TENM4: variants seen among roughly 807,000 people sequenced by gnomAD.
TENM4 encodes the protein teneurin transmembrane protein 4.
In TENM4, 82 loss-of-function variants were observed where a neutral mutation model predicts 243.3. The observed-to-expected ratio is 0.34, with a 90% CI of 0.28 to 0.40. The LOEUF (loss-of-function observed/expected upper bound fraction) is 0.40, where lower values mean the gene tolerates loss of function less well. Ranked by LOEUF, TENM4 falls within the 10% of genes least tolerant of loss-of-function variation. The probability of loss-of-function intolerance (pLI) is 1.00; values close to 1 mark genes in which losing one functional copy is unlikely to be tolerated. For synonymous variants in TENM4, 1,412 were observed against 1,456.3 expected, an observed-to-expected ratio of 0.97 and a Z score of 0.69; for missense variants, 3,138 against 3,673.3, an observed-to-expected ratio of 0.85 and a Z score of 3.77.
At chr11:78,855,734 A>G (rs2136207152) in intron 11 of TENM4, among the ~76,000 whole-genome samples, 1 of 152,364 alleles carries the variant, frequency 6.6e-6, no homozygotes, top group South Asian at 2.1e-4. Context: ...GAGTAATAGC[A>G]GAAAGGCTGT....
chr11:78,874,353 A>G lies in TENM4; in HGVS notation c.1085-11221T>C, dbSNP rs374674416. Among the ~76,000 whole-genome samples, 10 of 152,230 alleles carry G rather than the reference A, an allele frequency of 6.6e-5. No individual in the cohort carries two copies. In the East Asian group the frequency reaches 9.6e-4, roughly 15 times the overall value. On this transcript the variant is annotated intron_variant, in intron 9 of 33. Coordinates refer to ENST00000278550, the MANE Select transcript of TENM4 (RefSeq NM_001098816.3). ...TTAGAGATTATAAAGTATATTGAAAATATAAGGCATTATTATAATATTGCT... is the reference window on the plus strand; with the variant it reads ...TTAGAGATTATAAAGTATATTGAAAGTATAAGGCATTATTATAATATTGCT...
intron 3 of TENM4, among the ~76,000 whole-genome samples, chr11:79,156,645 C>T (rs1183025175): frequency 6.6e-6 from 1 of 152,180 alleles, no homozygotes; most frequent in Non-Finnish European, 1.5e-5. Context: ...CCAGCACCCT[C>T]CTTTTCTTTC....
intron 6 of TENM4, among the ~76,000 whole-genome samples, chr11:78,933,885 G>A (rs1856724614): frequency 1.3e-5 from 2 of 152,160 alleles, no homozygotes; most frequent in South Asian, 2.1e-4. Context: ...AAGAGCTCAG[G>A]GCCTTATATT....
chr11:78,991,633 G>A (rs1591188552), intron 6 of TENM4, among the ~76,000 whole-genome samples: 1 of 152,222 alleles, frequency 6.6e-6, no homozygotes, highest in African/African-American at 2.4e-5. Flanking sequence ...TCTGTAGGAG[G>A]TTTCTAAAGC....
chr11:79,092,352 A>G (rs927608207), intron 4 of TENM4, among the ~76,000 whole-genome samples: 1 of 152,108 alleles, frequency 6.6e-6, no homozygotes, highest in Non-Finnish European at 1.5e-5. Flanking sequence ...GTGAATGATC[A>G]CTGACTCCCC....
chr11:78,771,010 T>G lies in TENM4; in HGVS notation c.2521A>C (p.Ser841Arg). 1 of 1,585,164 alleles carries G rather than the reference T, an allele frequency of 6.3e-7. No individual in the cohort carries two copies. Among genetic ancestry groups the G allele is most frequent in the South Asian group, 1.2e-5 (1 of 86,132 alleles). The stretch of plus-strand genomic sequence containing the variant: ...GCCCTACCTCCATCATTGTCTTTGC[T>G]GTCACCGCAGGCAGTCTCCATGGAA... ...DTSMETACGD[S>R]KDNDGDGLVD... The change falls in exon 18 of 34, where the codon AGC (serine) becomes CGC (arginine). Residue 841 changes from serine to arginine, a missense_variant. This residue lies in a region of TENM4 where 2,467 missense variants were observed against 3,059.1 expected (regional missense o/e 0.81). Coordinates refer to ENST00000278550, the MANE Select transcript of TENM4 (RefSeq NM_001098816.3).
intron 2 of TENM4, among the ~76,000 whole-genome samples, chr11:79,264,355 C>T (rs1855848266): frequency 6.6e-6 from 1 of 152,098 alleles, no homozygotes. Context: ...AGAAAGTAAG[C>T]TTTATTTATG....
chr11:78,959,837 T>C (rs997840489), intron 6 of TENM4, among the ~76,000 whole-genome samples: 2 of 152,204 alleles, frequency 1.3e-5, no homozygotes, highest in Non-Finnish European at 2.9e-5. Context: ...TCTTGTTCAC[T>C]AATTTGCAAA....
intron 1 of TENM4, among the ~76,000 whole-genome samples, chr11:79,428,807 G>A (rs963906544): frequency 1.3e-5 from 2 of 152,164 alleles, no homozygotes; most frequent in African/African-American, 4.8e-5. Flanking sequence ...CACTCACCTC[G>A]TACATAAATT....
rs1855432292 is a variant in TENM4, at chr11:78,722,987, G to A, written c.3551-70C>T. On this transcript the variant is annotated intron_variant, in intron 23 of 33. Transcript: ENST00000278550. ...GTATCTTTTCCTGTGGTTGACCACA[G>A]AGTCACCTGATTTTGCAAGGCATGC... 6 of 1,579,318 alleles carry A rather than the reference G, an allele frequency of 3.8e-6. No homozygotes were observed. The South Asian group carries it at 6.9e-5, about 18-fold the overall frequency.
intron 9 of TENM4, among the ~76,000 whole-genome samples, chr11:78,887,360 T>C (rs1014859593): frequency 2.0e-5 from 3 of 152,214 alleles, no homozygotes; most frequent in Admixed American, 6.5e-5. Flanking sequence ...TCCTCTTGGC[T>C]GGGGTTGGGT....
At chr11:78,659,934 A>G (rs1429535387) in intron 33 of TENM4, among the ~76,000 whole-genome samples, 1 of 152,220 alleles carries the variant, frequency 6.6e-6, no homozygotes, top group African/African-American at 2.4e-5. Flanking sequence ...AATTAATAGA[A>G]CCCTGTCTGT....
intron 19 of TENM4, among the ~76,000 whole-genome samples, chr11:78,748,105 A>ATTCTCT (rs1856093191): frequency 6.6e-6 from 1 of 152,082 alleles, no homozygotes; most frequent in Non-Finnish European, 1.5e-5. Flanking sequence ...TAAGATTCTC[A>ATTCTCT]TTTTTCTCCC....
rs1270178367 is a variant in TENM4, at chr11:78,708,439, G to C, written c.4131C>G (p.Ile1377Met). 29 of 1,613,944 alleles carry C rather than the reference G, an allele frequency of 1.8e-5. No individual in the cohort carries two copies. The highest frequency in any genetic ancestry group is 2.3e-5 in the Non-Finnish European group (27 of 1,179,912). Residue 1377 changes from isoleucine to methionine, a missense_variant, in exon 27 of 34, where the codon ATC (isoleucine) becomes ATG (methionine). Coordinates refer to ENST00000278550, the MANE Select transcript of TENM4 (RefSeq NM_001098816.3). ...TMIRRIDQNGIISTLLGSNDL... is the reference protein window; with the variant it reads ...TMIRRIDQNGMISTLLGSNDL... ...CATTAGAGCCGAGCAGGGTGGAGAT[G>C]ATCCCATTCTGATCGATGCGTCTGA...
chr11:78,881,070 A>G (rs1028384186), intron 9 of TENM4, among the ~76,000 whole-genome samples: 1 of 152,230 alleles, frequency 6.6e-6, no homozygotes, highest in African/African-American at 2.4e-5. Context: ...TTATATCTCA[A>G]TAAATCTGAT....
intron 18 of TENM4, among the ~76,000 whole-genome samples, chr11:78,763,130 A>G (rs1003756795): frequency 2.6e-4 from 39 of 152,226 alleles, no homozygotes; most frequent in Non-Finnish European, 7.3e-5. Context: ...AGAAATCAGG[A>G]AAGCAGAGGG....
intron 1 of TENM4, among the ~76,000 whole-genome samples, chr11:79,420,849 A>C (rs1176773658): frequency 6.6e-6 from 1 of 152,196 alleles, no homozygotes; most frequent in African/African-American, 2.4e-5. Flanking sequence ...AGAGTCAGAT[A>C]AACCCAGGTT....
intron 18 of TENM4, 151 bp downstream of exon 18, chr11:78,770,841 A>G (rs1856631538): frequency 3.2e-6 from 3 of 925,438 alleles, no homozygotes; most frequent in Non-Finnish European, 4.8e-6. Context: ...CTCATCCCTA[A>G]GCCACATGTG....
chr11:78,993,670 T>C (rs1324757724), intron 6 of TENM4, among the ~76,000 whole-genome samples: 4 of 151,500 alleles, frequency 2.6e-5, no homozygotes, highest in Admixed American at 2.6e-4. Flanking sequence ...CAGTGAACTT[T>C]TTATTTCAGA....
Sources: allele counts gnomAD v4.1 joint callset (sites outside exome capture counted in the v4.1 genomes callset), GRCh38; gene constraint gnomAD v4.1.1; regional missense constraint gnomAD v4.1.1; transcripts MANE v1.5; gene names NCBI Gene and HGNC (gene_info 2026-07-23, HGNC 2026-07-21).